The following EPHB1 variants were observed in gnomAD, a reference collection of about 807,000 sequenced individuals.
EPHB1 encodes the protein EPH receptor B1.
A neutral mutation model predicts 94.4 loss-of-function variants in EPHB1; 30 were observed. The ratio of observed to expected loss-of-function variants is 0.32; its 90% CI spans 0.24 to 0.43. The LOEUF (loss-of-function observed/expected upper bound fraction) is 0.43. Among genes scored for constraint, EPHB1 ranks in the 20% least tolerant of loss-of-function variants. The probability of loss-of-function intolerance (pLI) is 1.00; values close to 1 mark genes in which losing one functional copy is unlikely to be tolerated. For missense variants in EPHB1, 1,055 were observed against 1,308.3 expected (o/e 0.81, Z 2.99); for synonymous variants, 522 against 489.1 (o/e 1.07, Z -0.89).
At chr3:135,068,849 C>T (rs553449398) in intron 3 of EPHB1, among the ~76,000 whole-genome samples, 10 of 151,348 alleles carry the variant, frequency 6.6e-5, no homozygotes, top group South Asian at 2.1e-4. Flanking sequence ...GGGGTTTCAC[C>T]GCGTTAGCCA....
At chr3:134,887,705 A>G (rs2037888210) in intron 1 of EPHB1, among the ~76,000 whole-genome samples, 1 of 152,234 alleles carries the variant, frequency 6.6e-6, no homozygotes, top group African/African-American at 2.4e-5. Context: ...TTATCACTGT[A>G]GGATGATTCA....
At chr3:134,965,466 A>G (rs1338545995) in intron 3 of EPHB1, among the ~76,000 whole-genome samples, 1 of 152,104 alleles carries the variant, frequency 6.6e-6, no homozygotes, top group Non-Finnish European at 1.5e-5. Flanking sequence ...TTGAGAGGCC[A>G]TGGTAGGAGG....
intron 3 of EPHB1, among the ~76,000 whole-genome samples, chr3:134,960,718 C>T (rs1055563156): frequency 1.9e-4 from 29 of 152,176 alleles, no homozygotes; most frequent in Non-Finnish European, 3.5e-4. Flanking sequence ...GAGAAGGAGG[C>T]GTTGTTGAGA....
At chr3:134,859,922 A>G (rs758121842) in intron 1 of EPHB1, among the ~76,000 whole-genome samples, 5 of 152,044 alleles carry the variant, frequency 3.3e-5, no homozygotes, top group Admixed American at 6.6e-5. Flanking sequence ...CATAACCTCT[A>G]TAATTTTCAT....
intron 3 of EPHB1, among the ~76,000 whole-genome samples, chr3:134,954,623 A>G (rs56287528): frequency 0.038 from 5,727 of 152,306 alleles, 153 homozygotes; most frequent in African/African-American, 0.067. Context: ...TGATGGCTCT[A>G]TGATTCATAA....
intron 5 of EPHB1, among the ~76,000 whole-genome samples, chr3:135,139,275 G>A (rs2177693): frequency 1.3e-5 from 2 of 152,156 alleles, no homozygotes; most frequent in Non-Finnish European, 2.9e-5. Flanking sequence ...CTTAGGGAAT[G>A]TTGCTTAGGA....
chr3:135,116,353 C>T (rs191793696), intron 4 of EPHB1, among the ~76,000 whole-genome samples: 1 of 152,326 alleles, frequency 6.6e-6, no homozygotes, highest in Admixed American at 6.5e-5. Context: ...AATGTGATTA[C>T]AAATCTGTGT....
chr3:135,248,619 T>C, intron 14 of EPHB1, 110 bp downstream of exon 14: 1 of 1,114,876 alleles, frequency 9.0e-7, no homozygotes, highest in Admixed American at 2.6e-5. Context: ...AGTATCTAGT[T>C]GCAGTGTGGG....
At chr3:134,801,065 G>A (rs2035925017) in intron 1 of EPHB1, among the ~76,000 whole-genome samples, 4 of 152,176 alleles carry the variant, frequency 2.6e-5, no homozygotes, top group Admixed American at 2.6e-4. Context: ...TTCTAGTGCT[G>A]ACTCTGCCAT....
At chr3:134,954,202 C>T (rs1477643604) in intron 3 of EPHB1, among the ~76,000 whole-genome samples, 3 of 152,218 alleles carry the variant, frequency 2.0e-5, no homozygotes, top group African/African-American at 7.2e-5. Context: ...GTCTCAAGAA[C>T]TTTCAGCTGA....
At chr3:134,799,021 G>A (rs953132305) in intron 1 of EPHB1, among the ~76,000 whole-genome samples, 4 of 152,218 alleles carry the variant, frequency 2.6e-5, no homozygotes, top group African/African-American at 7.2e-5. Flanking sequence ...ACCCTTGGAT[G>A]TCCACATGTA....
rs1200757797 is a variant in EPHB1, at chr3:135,162,009, T to C, written c.1423-9T>C. On this transcript the variant is annotated splice_polypyrimidine_tract_variant and intron_variant, in intron 6 of 15. Coordinates refer to ENST00000398015, the MANE Select transcript of EPHB1 (RefSeq NM_004441.5). Reference sequence around the variant, plus strand: ...TGGGATAGTGACCCTTTCCCTTGCTTTCTTTTAGGAACACAATGAGTTCAA... The same window carrying C: ...TGGGATAGTGACCCTTTCCCTTGCTCTCTTTTAGGAACACAATGAGTTCAA... The C allele has an allele frequency of 1.2e-6, 2 of 1,602,500 alleles. No homozygotes were observed. The highest frequency in any genetic ancestry group is 1.7e-6 in the Non-Finnish European group (2 of 1,173,774).
chr3:134,860,798 C>CAAA (rs10666494), intron 1 of EPHB1, among the ~76,000 whole-genome samples: 1,782 of 93,678 alleles, frequency 0.019, 75 homozygotes, highest in African/African-American at 0.053. Context: ...GGCCAGGTGA[C>CAAA]AAAAAAAAAA....
intron 1 of EPHB1, among the ~76,000 whole-genome samples, chr3:134,911,081 G>C (rs1057255756): frequency 6.6e-6 from 1 of 152,202 alleles, no homozygotes; most frequent in African/African-American, 2.4e-5. Flanking sequence ...AGGCCACCTG[G>C]AGGAAAAGGG....
At chr3:135,245,966 G>A (rs541084662) in intron 13 of EPHB1, among the ~76,000 whole-genome samples, 2 of 152,284 alleles carry the variant, frequency 1.3e-5, no homozygotes, top group East Asian at 1.9e-4. Flanking sequence ...GCCAAAAGAG[G>A]TTGGGTCAGC....
chr3:134,869,140 G>T (rs1404718741), intron 1 of EPHB1, among the ~76,000 whole-genome samples: 1 of 152,218 alleles, frequency 6.6e-6, no homozygotes, highest in Non-Finnish European at 1.5e-5. Context: ...TTTTGATGTG[G>T]AGGAAGAAGA....
intron 1 of EPHB1, among the ~76,000 whole-genome samples, chr3:134,925,272 G>A (rs2038766159): frequency 6.6e-6 from 1 of 152,192 alleles, no homozygotes; most frequent in African/African-American, 2.4e-5. Flanking sequence ...TGGAGTTGAT[G>A]GGAAGTTACC....
intron 4 of EPHB1, among the ~76,000 whole-genome samples, chr3:135,110,872 G>GT (rs1469031341): frequency 6.6e-6 from 1 of 152,178 alleles, no homozygotes. Context: ...CAGTGGTGGG[G>GT]TGGGGGGGTG....
intron 12 of EPHB1, among the ~76,000 whole-genome samples, chr3:135,233,562 A>G (rs952564930): frequency 6.6e-6 from 1 of 152,110 alleles, no homozygotes; most frequent in Non-Finnish European, 1.5e-5. Flanking sequence ...TGGCGGATCT[A>G]CCATTCTAGG....
Sources: gnomAD v4.1 joint callset for allele counts (sites outside exome capture counted in the v4.1 genomes callset) on GRCh38, gnomAD v4.1.1 for gene constraint, MANE v1.5 for transcripts, NCBI Gene and HGNC (gene_info 2026-07-23, HGNC 2026-07-21) for gene names.